Variants in NAP1L1 observed in about 807,000 individuals in gnomAD.
The protein encoded by NAP1L1 is nucleosome assembly protein 1 like 1.
A neutral mutation model predicts 58.9 loss-of-function variants in NAP1L1; 9 were observed. That is an observed-to-expected ratio of 0.15 (90% CI 0.09 to 0.27). The LOEUF (loss-of-function observed/expected upper bound fraction) is 0.27. Among genes scored for constraint, NAP1L1 ranks in the 10% least tolerant of loss-of-function variants. NAP1L1 has a pLI of 1.00. For synonymous variants in NAP1L1, 130 were observed against 138.3 expected, an observed-to-expected ratio of 0.94 and a Z score of 0.42; for missense variants, 302 against 458.8, an observed-to-expected ratio of 0.66 and a Z score of 3.12.
Position 76,048,425 on chromosome 12 carries a change from T to G in NAP1L1, c.*4A>C. 8 of 1,613,446 alleles carry G rather than the reference T, an allele frequency of 5.0e-6. No homozygotes were observed. Among genetic ancestry groups the G allele is most frequent in the Non-Finnish European group, 6.8e-6 (8 of 1,179,636 alleles). On this transcript the variant is annotated 3_prime_UTR_variant, in exon 15 of 15. Transcript: ENST00000618691. ...GTTATCCTCAAGGCCACATACATCC[T>G]GCTTCACTGCTGCTTGCACTCTGCT...
intron 2 of NAP1L1, among the ~76,000 whole-genome samples, chr12:76,070,235 G>C (rs1475195204): frequency 6.6e-6 from 1 of 151,962 alleles, no homozygotes; most frequent in African/African-American, 2.4e-5. Flanking sequence ...CAATTCTCGT[G>C]CCTCAGCCTC....
chr12:76,044,494 A>T lies in NAP1L1; in HGVS notation c.*3935T>A, dbSNP rs1948579973. The T allele has an allele frequency of 6.6e-6, 1 of 152,210 alleles. No individual in the cohort carries two copies. The highest frequency in any genetic ancestry group is 1.5e-5 in the Non-Finnish European group (1 of 68,042). The allele number at this position is 152,210 out of a possible 1,614,324, so 9.4% of individuals were successfully genotyped here. ...TCCCGCCAGTAATCTATTATTTCTA[A>T]ATACCCCATTTCTTCTTTTATTCAG... On this transcript the variant is annotated 3_prime_UTR_variant, in exon 15 of 15. Transcript: ENST00000618691.
intron 8 of NAP1L1, 115 bp downstream of exon 8, chr12:76,054,904 T>C: frequency 1.8e-6 from 1 of 562,406 alleles, no homozygotes; most frequent in East Asian, 3.1e-5. Context: ...TCCAAATATT[T>C]ATTCACTATA....
At chr12:76,057,567 G>A (rs1206988272) in intron 6 of NAP1L1, 1 of 909,932 alleles carries the variant, frequency 1.1e-6, no homozygotes, top group South Asian at 1.4e-5. Context: ...ATTCCAATAG[G>A]GCTGACTGCA....
At chr12:76,083,156 C>T (rs1194053117) in intron 1 of NAP1L1, among the ~76,000 whole-genome samples, 1 of 152,086 alleles carries the variant, frequency 6.6e-6, no homozygotes, top group Non-Finnish European at 1.5e-5. Context: ...CACTGCCATC[C>T]CCCAGATCTT....
At chr12:76,062,792 TGA>T (rs998653074) in intron 4 of NAP1L1, among the ~76,000 whole-genome samples, 10 of 152,186 alleles carry the variant, frequency 6.6e-5, no homozygotes, top group Admixed American at 5.2e-4. Context: ...TCTTCACATA[TGA>T]GAATGATACA....
chr12:76,053,360 CAAA>C lies in NAP1L1; in HGVS notation c.771-13_771-11del. On this transcript the variant is annotated splice_polypyrimidine_tract_variant and intron_variant, in intron 9 of 14. Transcript: ENST00000618691. ...CCAATCTATCTGGCACCTTGCAAAA[CAAA>C]GAAGAAAAATCTATTACAATTGACA... 6.2e-7 allele frequency: 1 copy of C among 1,603,620 alleles called. No individual in the cohort carries two copies. Among genetic ancestry groups the C allele is most frequent in the South Asian group, 1.1e-5 (1 of 88,110 alleles).
At chr12:76,052,043 T>C (rs796378681) in intron 11 of NAP1L1, among the ~76,000 whole-genome samples, 47 of 151,622 alleles carry the variant, frequency 3.1e-4, no homozygotes, top group African/African-American at 1.1e-3. Flanking sequence ...TAAAATAAAA[T>C]AATCCCACTT....
Position 76,049,254 on chromosome 12 carries a change from T to TA in NAP1L1, c.1090-5dup. On this transcript the variant is annotated splice_polypyrimidine_tract_variant and splice_region_variant and intron_variant, in intron 13 of 14. Coordinates refer to ENST00000618691, the MANE Select transcript of NAP1L1 (RefSeq NM_004537.7). ...CATCTCCTTCTTCTTCCCCTTCCTA[T>TA]ATTAAAGTTCAAAATGCATCCATGA... 6.2e-7 allele frequency: 1 copy of TA among 1,613,546 alleles called. No individual in the cohort carries two copies. The highest frequency in any genetic ancestry group is 2.2e-5 in the East Asian group (1 of 44,830).
chr12:76,082,297 CAACAGGAGCAAGCTG>C (rs1242989723), intron 1 of NAP1L1, among the ~76,000 whole-genome samples: 1 of 152,044 alleles, frequency 6.6e-6, no homozygotes, highest in Non-Finnish European at 1.5e-5. Context: ...TACCAGGAGC[CAACAGGAGCAAGCTG>C]AATAAAATGA....
At chr12:76,077,980 C>CAAAAAAAAAAAA (rs58558132) in intron 1 of NAP1L1, among the ~76,000 whole-genome samples, 1 of 65,958 alleles carries the variant, frequency 1.5e-5, no homozygotes. Flanking sequence ...GACCCTGTCT[C>CAAAAAAAAAAAA]AAAAAAAAAA....
chr12:76,051,053 G>A (rs1003122238), intron 11 of NAP1L1, among the ~76,000 whole-genome samples: 1 of 149,460 alleles, frequency 6.7e-6, no homozygotes, highest in African/African-American at 2.5e-5. Context: ...ATATGATGAA[G>A]GGAAGAAATG....
chr12:76,062,676 T>C (rs1949471252), intron 4 of NAP1L1, among the ~76,000 whole-genome samples: 1 of 152,052 alleles, frequency 6.6e-6, no homozygotes, highest in South Asian at 2.1e-4. Context: ...GTCCATGATG[T>C]TGAAAAGTTC....
chr12:76,048,820 A>T (rs1275541657), intron 14 of NAP1L1, among the ~76,000 whole-genome samples: 1 of 152,130 alleles, frequency 6.6e-6, no homozygotes, highest in Non-Finnish European at 1.5e-5. Context: ...GGGACTGAGT[A>T]AGAGTAGTTG....
At chr12:76,053,007 C>A in intron 11 of NAP1L1, 84 bp downstream of exon 11, 1 of 1,328,362 alleles carries the variant, frequency 7.5e-7, no homozygotes, top group South Asian at 1.3e-5. Context: ...ATGTAACAAC[C>A]ATCCCACTCT....
rs1950189309 is a variant in NAP1L1, at chr12:76,076,580, A to ATATATATATC, written c.-20-2342_-20-2341insGATATATATA. ...TATATATATATATATATATATATAT[A>ATATATATATC]TATATATATATATCTCCACTCATAT... On this transcript the variant is annotated intron_variant, in intron 1 of 14. Transcript: ENST00000618691. Among the ~76,000 whole-genome samples, 7 of 57,896 alleles carry ATATATATATC rather than the reference A, an allele frequency of 1.2e-4. No homozygotes were observed. In the Admixed American group the frequency reaches 1.4e-3, roughly 11 times the overall value. 38.0% of individuals were successfully genotyped at this position (57,896 alleles called of 152,430 possible). A position where few individuals can be genotyped will look rare whatever the true frequency, so the allele number is the denominator to read the frequency against.
chr12:76,057,967 A>G, intron 6 of NAP1L1: 2 of 975,002 alleles, frequency 2.1e-6, no homozygotes, highest in South Asian at 1.3e-5. Context: ...TAAATCACAC[A>G]AAGATTTTTT....
At chr12:76,049,144 C>T in intron 14 of NAP1L1, 56 bp downstream of exon 14, 5 of 1,507,598 alleles carry the variant, frequency 3.3e-6, no homozygotes, top group Middle Eastern at 1.9e-4. Flanking sequence ...TCAAAAACAC[C>T]AACTCTTACT....
At chr12:76,073,987 G>A in intron 2 of NAP1L1, 1 of 447,066 alleles carries the variant, frequency 2.2e-6, no homozygotes, top group Non-Finnish European at 4.0e-6. Context: ...AAATGGTTTA[G>A]TATATACGAT....
Sources: allele counts gnomAD v4.1 joint callset (sites outside exome capture counted in the v4.1 genomes callset), GRCh38; gene constraint gnomAD v4.1.1; transcripts MANE v1.5; gene names NCBI Gene and HGNC (gene_info 2026-07-23, HGNC 2026-07-21).